The following DCDC1 variants were observed in gnomAD, a reference collection of about 807,000 sequenced individuals.
DCDC1 encodes the protein doublecortin domain containing 1.
Under a neutral mutation model 178.3 loss-of-function variants are expected in DCDC1, and 200 were observed. The observed-to-expected ratio is 1.12, with a 90% CI of 1.00 to 1.26. The LOEUF (loss-of-function observed/expected upper bound fraction) is 1.26, where lower values mean the gene tolerates loss of function less well. DCDC1 is among the 50% of genes most tolerant of loss of function. DCDC1 has a pLI of 0.00. For missense variants in DCDC1, 1,983 were observed against 1,749.2 expected, an observed-to-expected ratio of 1.13 and a Z score of -2.38; for synonymous variants, 690 against 604.8, an observed-to-expected ratio of 1.14 and a Z score of -2.07.
At chr11:31,157,852 T>C (rs1403724609) in intron 9 of DCDC1, among the ~76,000 whole-genome samples, 4 of 152,144 alleles carry the variant, frequency 2.6e-5, no homozygotes, top group African/African-American at 9.7e-5. Flanking sequence ...TATTATGGTA[T>C]TTTACTACAA....
chr11:31,309,723 T>G (rs967517106), intron 3 of DCDC1, among the ~76,000 whole-genome samples: 36 of 152,214 alleles, frequency 2.4e-4, no homozygotes, highest in Admixed American at 2.2e-3. Flanking sequence ...AATATTCTTA[T>G]AAATATACTA....
intron 20 of DCDC1, among the ~76,000 whole-genome samples, chr11:31,030,732 A>G (rs1236620755): frequency 6.6e-6 from 1 of 152,178 alleles, no homozygotes; most frequent in African/African-American, 2.4e-5. Context: ...GCTCCTGCAG[A>G]TCAATTCATA....
chr11:30,888,984 G>C (rs118000653), intron 36 of DCDC1, among the ~76,000 whole-genome samples: 5 of 152,158 alleles, frequency 3.3e-5, no homozygotes, highest in African/African-American at 7.2e-5. Context: ...CCCTGTGGGC[G>C]TGAGGTACTT....
intron 20 of DCDC1, among the ~76,000 whole-genome samples, chr11:30,962,212 A>G (rs1949144557): frequency 6.6e-6 from 1 of 152,134 alleles, no homozygotes; most frequent in Non-Finnish European, 1.5e-5. Flanking sequence ...AAGATCAAGT[A>G]ATTTTTGTAA....
chr11:30,957,442 A>G (rs1017591606), intron 20 of DCDC1, among the ~76,000 whole-genome samples: 16 of 152,110 alleles, frequency 1.1e-4, no homozygotes, highest in African/African-American at 3.9e-4. Flanking sequence ...ACCGAAGTCA[A>G]AGGTCTTTTC....
At chr11:31,286,843 T>C (rs1015503334) in intron 7 of DCDC1, among the ~76,000 whole-genome samples, 11 of 152,112 alleles carry the variant, frequency 7.2e-5, no homozygotes, top group African/African-American at 2.7e-4. Flanking sequence ...ATTTGCTCTC[T>C]GGAGAGACTA....
intron 6 of DCDC1, among the ~76,000 whole-genome samples, chr11:31,302,103 A>G (rs925023316): frequency 2.6e-5 from 4 of 152,216 alleles, no homozygotes; most frequent in Non-Finnish European, 5.9e-5. Context: ...ATATTCAACC[A>G]AAAAGTTTTA....
intron 18 of DCDC1, among the ~76,000 whole-genome samples, chr11:31,068,413 C>A (rs964061188): frequency 9.2e-5 from 14 of 152,090 alleles, no homozygotes; most frequent in African/African-American, 3.4e-4. Flanking sequence ...ACAAAGATGT[C>A]CATTGCAGCA....
chr11:30,931,381 C>T (rs1383569270), intron 22 of DCDC1, among the ~76,000 whole-genome samples: 1 of 151,974 alleles, frequency 6.6e-6, no homozygotes, highest in East Asian at 1.9e-4. Context: ...AAGATTTAAA[C>T]ATAATTGTGT....
At chr11:31,270,878 C>T (rs899284576) in intron 7 of DCDC1, among the ~76,000 whole-genome samples, 4 of 152,138 alleles carry the variant, frequency 2.6e-5, no homozygotes, top group Non-Finnish European at 4.4e-5. Context: ...TCTGGGCGAC[C>T]TTCACTTTCC....
intron 9 of DCDC1, among the ~76,000 whole-genome samples, chr11:31,203,065 G>A (rs1315615157): frequency 6.6e-6 from 1 of 151,984 alleles, no homozygotes; most frequent in Non-Finnish European, 1.5e-5. Context: ...GAGGAAAGGA[G>A]GAGAGGAAAA....
intron 18 of DCDC1, among the ~76,000 whole-genome samples, chr11:31,071,261 A>C (rs894938998): frequency 6.6e-6 from 1 of 152,202 alleles, no homozygotes; most frequent in South Asian, 2.1e-4. Context: ...GACATGCCAC[A>C]ATATATTCAT....
rs534983432 is a variant in DCDC1 at position 31,326,215 on chromosome 11, A to G, written c.164+1902T>C. ...AGAAGCACATTGAAACAAAAACTAG[A>G]AAAAACAGCGGTAGGAAAGTGTCAC... On this transcript the variant is annotated intron_variant, in intron 3 of 38. Coordinates refer to ENST00000684477, the MANE Select transcript of DCDC1 (RefSeq NM_001387274.1). Among the ~76,000 whole-genome samples, 8 of 152,274 alleles carry G rather than the reference A, an allele frequency of 5.3e-5. No homozygotes were observed. In the South Asian group the frequency reaches 1.7e-3, roughly 32 times the overall value.
intron 8 of DCDC1, among the ~76,000 whole-genome samples, chr11:31,247,615 C>T (rs1166101655): frequency 6.6e-6 from 1 of 151,898 alleles, no homozygotes; most frequent in Non-Finnish European, 1.5e-5. Flanking sequence ...CTGAATAGGG[C>T]CCATTTGCAG....
intron 9 of DCDC1, among the ~76,000 whole-genome samples, chr11:31,211,786 A>T (rs553396913): frequency 6.6e-6 from 1 of 151,916 alleles, no homozygotes; most frequent in Admixed American, 6.6e-5. Context: ...ACTGAGCTTT[A>T]AAAAAAAGCT....
chr11:30,865,682 G>T (rs1445346813), intron 38 of DCDC1, among the ~76,000 whole-genome samples: 1 of 152,046 alleles, frequency 6.6e-6, no homozygotes, highest in African/African-American at 2.4e-5. Context: ...GACAAGCAAG[G>T]TTTAACTAAA....
intron 9 of DCDC1, among the ~76,000 whole-genome samples, chr11:31,213,365 ATTTG>A (rs1973074004): frequency 6.6e-6 from 1 of 151,746 alleles, no homozygotes; most frequent in Non-Finnish European, 1.5e-5. Context: ...CTATTTATCA[ATTTG>A]TTTAACATCT....
intron 12 of DCDC1, 26 bp downstream of exon 12, chr11:31,110,234 C>T (rs746063328): frequency 2.2e-5 from 15 of 690,404 alleles, no homozygotes; most frequent in Non-Finnish European, 4.0e-5. Context: ...CACTTAAAGT[C>T]ATAAGTAAAC....
intron 20 of DCDC1, among the ~76,000 whole-genome samples, chr11:31,053,870 G>A (rs949262335): frequency 7.2e-5 from 11 of 152,092 alleles, no homozygotes; most frequent in African/African-American, 1.2e-4. Flanking sequence ...ACATAATACC[G>A]AATGGGGAAA....
Sources: gnomAD v4.1 joint callset for allele counts (sites outside exome capture counted in the v4.1 genomes callset) on GRCh38, gnomAD v4.1.1 for gene constraint, MANE v1.5 for transcripts, NCBI Gene and HGNC (gene_info 2026-07-23, HGNC 2026-07-21) for gene names.